Variants in PCDHA1 observed in about 807,000 individuals in gnomAD.
PCDHA1 encodes protocadherin alpha 1.
PCDHA1 carries 42 observed loss-of-function variants against 61.3 expected under a neutral mutation model. That is an observed-to-expected ratio of 0.69 (90% CI 0.54 to 0.89). The LOEUF (loss-of-function observed/expected upper bound fraction) is 0.89, where lower values mean the gene tolerates loss of function less well. Among genes scored for constraint, PCDHA1 ranks in the 40% least tolerant of loss-of-function variants. PCDHA1 has a pLI of 0.00. For synonymous variants in PCDHA1, 610 were observed against 553.8 expected, an observed-to-expected ratio of 1.10 and a Z score of -1.43; for missense variants, 1,256 against 1,235.3, an observed-to-expected ratio of 1.02 and a Z score of -0.25.
chr5:140,851,284 A>G, intron 1 of PCDHA1: 1 of 1,040,350 alleles, frequency 9.6e-7, no homozygotes, highest in East Asian at 5.3e-5. Context: ...TTTATAAGAA[A>G]CCCAAGCAAA....
intron 1 of PCDHA1, among the ~76,000 whole-genome samples, chr5:140,847,133 A>G (rs984510498): frequency 6.7e-6 from 1 of 149,740 alleles, no homozygotes; most frequent in Non-Finnish European, 1.5e-5. Flanking sequence ...CAGGAAAACC[A>G]ATGTAAGAAG....
intron 1 of PCDHA1, among the ~76,000 whole-genome samples, chr5:140,939,871 T>G (rs2092481346): frequency 6.6e-6 from 1 of 152,230 alleles, no homozygotes; most frequent in Non-Finnish European, 1.5e-5. Context: ...TAGGTCATCT[T>G]TGCTAGTTGT....
rs1459360410 is a variant in PCDHA1 at position 140,851,559 on chromosome 5, A to C, written c.2394+62875A>C. 4 of 909,446 alleles carry C rather than the reference A, an allele frequency of 4.4e-6. 1 individual carries two copies. In the East Asian group the frequency reaches 3.5e-4, roughly 79 times the overall value. The allele number at this position is 909,446 out of a possible 1,614,324, so 56.3% of individuals were successfully genotyped here. A position where few individuals can be genotyped will look rare whatever the true frequency, so the allele number is the denominator to read the frequency against. ...AGATAATTCAAGAAATGTTGACTGA[A>C]ATTTTGTCTACACTTAGAACATTTT... is the stretch of plus-strand genomic sequence containing the variant. On this transcript the variant is annotated intron_variant, in intron 1 of 3. Transcript: ENST00000504120.
At chr5:140,942,147 T>C (rs2093240437) in intron 1 of PCDHA1, among the ~76,000 whole-genome samples, 1 of 152,236 alleles carries the variant, frequency 6.6e-6, no homozygotes, top group Non-Finnish European at 1.5e-5. Flanking sequence ...TTACTTGACA[T>C]AAAACAGCTT....
At chr5:140,927,290 T>C in intron 1 of PCDHA1, 1 of 1,614,054 alleles carries the variant, frequency 6.2e-7, no homozygotes, top group South Asian at 1.1e-5. Flanking sequence ...CAGCTGCACA[T>C]CCCCGAGTTC....
intron 1 of PCDHA1, chr5:140,823,728 G>A (rs2150128534): frequency 4.8e-5 from 77 of 1,613,922 alleles, no homozygotes; most frequent in South Asian, 2.2e-5. Context: ...TGCTGGTGAA[G>A]GACCATGGAG....
intron 1 of PCDHA1, chr5:140,870,165 G>T (rs1223679164): frequency 1.2e-6 from 2 of 1,614,138 alleles, no homozygotes; most frequent in Non-Finnish European, 1.7e-6. Context: ...TGACTTCCTT[G>T]TCCCTCCCAG....
chr5:140,836,955 A>G (rs1227773080), intron 1 of PCDHA1: 1 of 420,702 alleles, frequency 2.4e-6, no homozygotes, highest in Non-Finnish European at 4.1e-6. Flanking sequence ...TCTATGGTTT[A>G]TGTTGGCTAC....
intron 1 of PCDHA1, among the ~76,000 whole-genome samples, chr5:140,900,589 C>T (rs782244593): frequency 1.5e-4 from 23 of 152,164 alleles, no homozygotes; most frequent in South Asian, 1.2e-3. Flanking sequence ...TTTCTTTACC[C>T]GTTCATCTGA....
intron 3 of PCDHA1, among the ~76,000 whole-genome samples, chr5:141,000,421 A>ATTTTTTTTTTT (rs34755515): frequency 3.6e-5 from 1 of 27,968 alleles, no homozygotes; most frequent in Non-Finnish European, 5.7e-5. Context: ...ATATATATAT[A>ATTTTTTTTTTT]TTTTTTTTTT....
Position 141,010,424 on chromosome 5 carries a change from C to A in PCDHA1, c.*487C>A. ...CTTAGACTAATTGGTACAAGGAAGGCAAGAAAACAAAGACAAATAAACAGC... is the reference window on the plus strand; with the variant it reads ...CTTAGACTAATTGGTACAAGGAAGGAAAGAAAACAAAGACAAATAAACAGC... On this transcript the variant is annotated 3_prime_UTR_variant, in exon 4 of 4. Transcript: ENST00000504120. The A allele has an allele frequency of 9.0e-7, 1 of 1,113,698 alleles. No homozygotes were observed. The highest frequency in any genetic ancestry group is 1.2e-6 in the Non-Finnish European group (1 of 808,116). 69.0% of individuals were successfully genotyped at this position (1,113,698 alleles called of 1,614,324 possible). A position where few individuals can be genotyped will look rare whatever the true frequency, so the allele number is the denominator to read the frequency against.
chr5:140,836,618 G>A (rs2150265827), intron 1 of PCDHA1: 4 of 1,613,598 alleles, frequency 2.5e-6, no homozygotes, highest in African/African-American at 2.7e-5. Flanking sequence ...CCAGCGCGGT[G>A]GGGAGCTGGT....
At position 140,926,799 on chromosome 5, in the gene PCDHA1, T is replaced by G. The variant is rs561004739; in HGVS notation, c.2395-52150T>G. Reference sequence around the variant, plus strand: ...AGTGACGGCCGGCAGGAGCGTGCTCTTCCCCGCGGCTCGTGCTCTCCAGGA... The same window carrying G: ...AGTGACGGCCGGCAGGAGCGTGCTCGTCCCCGCGGCTCGTGCTCTCCAGGA... On this transcript the variant is annotated intron_variant, in intron 1 of 3. Transcript: ENST00000504120. The G allele has an allele frequency of 1.6e-4, 230 of 1,456,322 alleles. 2 individuals carry two copies. The African/African-American group carries it at 2.6e-3, about 16-fold the overall frequency. The allele number at this position is 1,456,322 out of a possible 1,614,324, so 90.2% of individuals were successfully genotyped here.
Position 140,856,118 on chromosome 5 carries a change from G to A in PCDHA1, c.2394+67434G>A. On this transcript the variant is annotated intron_variant, in intron 1 of 3. Coordinates refer to ENST00000504120, the MANE Select transcript of PCDHA1 (RefSeq NM_018900.4). ...CTCGCTTCTTCTCCTCGCAGCCTGG[G>A]AGGTGGGGAGCGGCCAGCTCCACTA... 1.3e-6 allele frequency: 2 copies of A among 1,598,234 alleles called. 1 individual carries two copies. The highest frequency in any genetic ancestry group is 2.7e-5 in the African/African-American group (2 of 74,402).
In PCDHA1 at chr5:140,982,464, T is replaced by C; in HGVS notation, c.2454-11T>C. 6.2e-7 allele frequency: 1 copy of C among 1,614,112 alleles called. No individual in the cohort carries two copies. Among genetic ancestry groups the C allele is most frequent in the Non-Finnish European group, 8.5e-7 (1 of 1,180,010 alleles). ...GATCTAACCGTTATCTGGGTCTGTG[T>C]GTTTATTCAGCTCTGTGCACCTAGA... On this transcript the variant is annotated splice_polypyrimidine_tract_variant and intron_variant, in intron 2 of 3. Coordinates refer to ENST00000504120, the MANE Select transcript of PCDHA1 (RefSeq NM_018900.4).
At position 140,924,017 on chromosome 5, in the gene PCDHA1, T is replaced by C. The variant is rs2081624736; in HGVS notation, c.2395-54932T>C. Among the ~76,000 whole-genome samples, 3 of 152,218 alleles carry C rather than the reference T, an allele frequency of 2.0e-5. No individual in the cohort carries two copies. In the South Asian group the frequency reaches 6.2e-4, roughly 32 times the overall value. On this transcript the variant is annotated intron_variant, in intron 1 of 3. Transcript: ENST00000504120. ...CTCAGAATTCCTAAACCTGGTATAA[T>C]TGGAGGCATGGCTGCAGACCTAAAA...
intron 1 of PCDHA1, chr5:140,829,079 A>C (rs1770100550): frequency 6.2e-7 from 1 of 1,611,828 alleles, no homozygotes; most frequent in South Asian, 1.1e-5. Flanking sequence ...CCATCCTCCC[A>C]TGGCGGGTCA....
intron 1 of PCDHA1, chr5:140,809,167 G>C: frequency 6.2e-7 from 1 of 1,613,990 alleles, no homozygotes; most frequent in South Asian, 1.1e-5. Context: ...CCGCGCTGAC[G>C]GCCACGGCCA....
chr5:140,828,138 T>A (rs2150151301), intron 1 of PCDHA1: 1 of 1,613,970 alleles, frequency 6.2e-7, no homozygotes, highest in Non-Finnish European at 8.5e-7. Context: ...TGTCTGCTCC[T>A]CCCGCTTCTG....
Sources: gnomAD v4.1 joint callset for allele counts (sites outside exome capture counted in the v4.1 genomes callset) on GRCh38, gnomAD v4.1.1 for gene constraint, MANE v1.5 for transcripts, NCBI Gene and HGNC (gene_info 2026-07-23, HGNC 2026-07-21) for gene names.